The following ETV1 variants were observed in gnomAD, a reference collection of about 807,000 sequenced individuals.
The protein encoded by ETV1 is ETS translocation variant 1.
A neutral mutation model predicts 62.3 loss-of-function variants in ETV1; 27 were observed. The observed-to-expected ratio is 0.43, with a 90% CI of 0.32 to 0.60. ETV1 has a LOEUF of 0.60. Among genes scored for constraint, ETV1 ranks in the 20% least tolerant of loss-of-function variants. ETV1 has a pLI of 0.06. For missense variants in ETV1, 605 were observed against 605.8 expected, an observed-to-expected ratio of 1.00 and a Z score of 0.01; for synonymous variants, 222 against 199.6, an observed-to-expected ratio of 1.11 and a Z score of -0.94.
At chr7:13,940,658 C>T (rs546918479) in intron 6 of ETV1, among the ~76,000 whole-genome samples, 1 of 152,230 alleles carries the variant, frequency 6.6e-6, no homozygotes, top group African/African-American at 2.4e-5. Flanking sequence ...GTTAAGTCCG[C>T]TTTCCAAAAA....
chr7:13,903,936 C>A (rs1012300551), intron 12 of ETV1, among the ~76,000 whole-genome samples: 1 of 152,066 alleles, frequency 6.6e-6, no homozygotes, highest in African/African-American at 2.4e-5. Context: ...GGTCTGGAGT[C>A]TCACTCAATA....
At chr7:13,949,956 G>C (rs1788606189) in intron 6 of ETV1, among the ~76,000 whole-genome samples, 1 of 152,126 alleles carries the variant, frequency 6.6e-6, no homozygotes, top group Non-Finnish European at 1.5e-5. Flanking sequence ...AAGTTTTAAA[G>C]GAGTATTGTC....
Position 13,965,189 on chromosome 7 carries a change from T to A in ETV1, c.235+12238A>T, listed in dbSNP as rs908810230. ...AATACACAGTGTTATCATAAACATC[T>A]CTTGAATTCTGGTAAATAAGAGAAA... On this transcript the variant is annotated intron_variant, in intron 6 of 13. Coordinates refer to ENST00000430479, the MANE Select transcript of ETV1 (RefSeq NM_004956.5). Among the ~76,000 whole-genome samples the A allele has an allele frequency of 9.2e-5, 14 of 152,278 alleles. No homozygotes were observed. In the East Asian group the frequency reaches 2.7e-3, roughly 29 times the overall value.
chr7:13,924,605 T>C (rs1380317846), intron 9 of ETV1, among the ~76,000 whole-genome samples: 1 of 152,206 alleles, frequency 6.6e-6, no homozygotes, highest in African/African-American at 2.4e-5. Context: ...CCCTGGATCA[T>C]GAAGATCCTT....
intron 6 of ETV1, among the ~76,000 whole-genome samples, chr7:13,949,598 A>G (rs1390109776): frequency 2.0e-5 from 3 of 152,116 alleles, no homozygotes. Context: ...ACACACACCA[A>G]TATCCATTAC....
At position 13,960,442 on chromosome 7, in the gene ETV1, C is replaced by A. The variant is rs117877927; in HGVS notation, c.235+16985G>T. Among the ~76,000 whole-genome samples the A allele has an allele frequency of 8.8e-3, 1,342 of 152,210 alleles. 11 individuals carry two copies. The highest frequency in any genetic ancestry group is 0.013 in the Non-Finnish European group (857 of 68,020). ...TGTGCCAAATTCTTCAGACAAGATA[C>A]CTCATTTAATCATTACATTCACCCA... is the stretch of plus-strand genomic sequence containing the variant. On this transcript the variant is annotated intron_variant, in intron 6 of 13. Transcript: ENST00000430479.
intron 9 of ETV1, among the ~76,000 whole-genome samples, chr7:13,917,350 T>C (rs1784296263): frequency 6.6e-6 from 1 of 151,026 alleles, no homozygotes; most frequent in South Asian, 2.1e-4. Context: ...GGAGTTTCGC[T>C]CTTGTTGCCC....
intron 9 of ETV1, among the ~76,000 whole-genome samples, chr7:13,913,747 A>C (rs918449555): frequency 6.6e-6 from 1 of 152,200 alleles, no homozygotes; most frequent in African/African-American, 2.4e-5. Flanking sequence ...TTATTAGTGT[A>C]TCTATTTTGG....
At chr7:13,935,949 T>TA in intron 7 of ETV1, 53 bp from the exon 8 acceptor site, 1 of 1,414,086 alleles carries the variant, frequency 7.1e-7, no homozygotes, top group Non-Finnish European at 9.6e-7. Context: ...AGCAATTTTT[T>TA]AAAAAAGTTT....
rs1156572679 is a variant in ETV1 at position 13,989,370 on chromosome 7, C to G, written c.-190G>C. 1 of 484,694 alleles carries G rather than the reference C, an allele frequency of 2.1e-6. No individual in the cohort carries two copies. Among genetic ancestry groups the G allele is most frequent in the Non-Finnish European group, 3.6e-6 (1 of 277,272 alleles). 30.0% of individuals were successfully genotyped at this position (484,694 alleles called of 1,614,324 possible). On this transcript the variant is annotated 5_prime_UTR_variant, in exon 2 of 14. Coordinates refer to ENST00000430479, the MANE Select transcript of ETV1 (RefSeq NM_004956.5). ...TATTTATTTACACTCTCGATGTTTC[C>G]CTGCGCGGTCGGTGTACCCCGGGCA...
chr7:13,953,264 C>A (rs974734355), intron 6 of ETV1, among the ~76,000 whole-genome samples: 1 of 152,136 alleles, frequency 6.6e-6, no homozygotes, highest in African/African-American at 2.4e-5. Flanking sequence ...AGATACCCAT[C>A]CAAATCCACA....
At chr7:13,941,579 T>C (rs1227603581) in intron 6 of ETV1, among the ~76,000 whole-genome samples, 1 of 152,178 alleles carries the variant, frequency 6.6e-6, no homozygotes, top group Non-Finnish European at 1.5e-5. Flanking sequence ...GAATTTAAAG[T>C]AGTGCTCTAG....
intron 9 of ETV1, among the ~76,000 whole-genome samples, chr7:13,918,107 G>GA (rs1171136285): frequency 3.3e-5 from 5 of 151,822 alleles, no homozygotes; most frequent in Non-Finnish European, 5.9e-5. Context: ...TACATGATTT[G>GA]AAAAAAAACA....
rs1781669376 is a variant in ETV1 at position 13,895,363 on chromosome 7, A to G, written c.*503T>C. 2 of 234,672 alleles carry G rather than the reference A, an allele frequency of 8.5e-6. No homozygotes were observed. The highest frequency in any genetic ancestry group is 3.6e-4 in the South Asian group (2 of 5,588). The allele number at this position is 234,672 out of a possible 1,614,324, so 14.5% of individuals were successfully genotyped here. A position where few individuals can be genotyped will look rare whatever the true frequency, so the allele number is the denominator to read the frequency against. On this transcript the variant is annotated 3_prime_UTR_variant, in exon 14 of 14. Transcript: ENST00000430479. ...GCAAAAACAGTCATTTCTAACAATT[A>G]AACTGCCATTTACAGTAGATTGGGG...
chr7:13,977,608 A>T, intron 5 of ETV1, 128 bp from the exon 6 acceptor site: 2 of 652,338 alleles, frequency 3.1e-6, no homozygotes, highest in Admixed American at 5.6e-5. Context: ...TTTGCCAATG[A>T]GCTCCTATTT....
intron 6 of ETV1, among the ~76,000 whole-genome samples, chr7:13,970,246 G>T (rs967971676): frequency 6.7e-6 from 1 of 148,170 alleles, no homozygotes; most frequent in Non-Finnish European, 1.5e-5. Flanking sequence ...GGGCGACAGA[G>T]CGAGACCCCA....
intron 9 of ETV1, among the ~76,000 whole-genome samples, chr7:13,921,983 T>C (rs1180098210): frequency 1.3e-5 from 2 of 152,202 alleles, no homozygotes; most frequent in East Asian, 3.8e-4. Context: ...TCAAATGTAA[T>C]ATTTCATATT....
chr7:13,911,801 A>T (rs1413170307), intron 9 of ETV1, among the ~76,000 whole-genome samples: 1 of 152,234 alleles, frequency 6.6e-6, no homozygotes, highest in Non-Finnish European at 1.5e-5. Context: ...TATGAAGCAT[A>T]TAATTCTGAC....
At chr7:13,974,635 T>G (rs1781234184) in intron 6 of ETV1, among the ~76,000 whole-genome samples, 1 of 152,234 alleles carries the variant, frequency 6.6e-6, no homozygotes, top group South Asian at 2.1e-4. Flanking sequence ...AATTAAGATA[T>G]TTTTGAAAGC....
Sources: gnomAD v4.1 joint callset for allele counts (sites outside exome capture counted in the v4.1 genomes callset) on GRCh38, gnomAD v4.1.1 for gene constraint, MANE v1.5 for transcripts, NCBI Gene and HGNC (gene_info 2026-07-23, HGNC 2026-07-21) for gene names.